The following PSMB7 variants were observed in gnomAD, a reference collection of about 807,000 sequenced individuals.
PSMB7 encodes proteasome subunit beta type-7.
Under a neutral mutation model 28.1 loss-of-function variants are expected in PSMB7, and 5 were observed. That is an observed-to-expected ratio of 0.18 (90% CI 0.09 to 0.37). PSMB7 has a LOEUF of 0.37. Ranked by LOEUF, PSMB7 falls within the 10% of genes least tolerant of loss-of-function variation. PSMB7 has a pLI of 1.00. For synonymous variants in PSMB7, 122 were observed against 123.7 expected (o/e 0.99, Z 0.09); for missense variants, 275 against 346.2 (o/e 0.79, Z 1.63).
intron 7 of PSMB7, among the ~76,000 whole-genome samples, chr9:124,355,303 G>T (rs1038639799): frequency 6.6e-6 from 1 of 152,220 alleles, no homozygotes; most frequent in Non-Finnish European, 1.5e-5. Flanking sequence ...GTTCTTGGGT[G>T]TTTAGAGCCT....
chr9:124,369,248 G>T lies in PSMB7; in HGVS notation c.571-12333C>A, dbSNP rs545095925. On this transcript the variant is annotated intron_variant, in intron 6 of 7. Coordinates refer to ENST00000259457, the MANE Select transcript of PSMB7 (RefSeq NM_002799.4). ...TTCTTGGTTTCTGCACAATTTCAGG[G>T]TGAGGGGAGGGTAGTATAAATTACC... Among the ~76,000 whole-genome samples, 121 of 152,220 alleles carry T rather than the reference G, an allele frequency of 7.9e-4. 1 individual carries two copies. The highest frequency in any genetic ancestry group is 2.7e-3 in the African/African-American group (112 of 41,522).
chr9:124,382,686 C>T (rs563982732), intron 6 of PSMB7, among the ~76,000 whole-genome samples: 22 of 152,316 alleles, frequency 1.4e-4, no homozygotes, highest in African/African-American at 5.1e-4. Flanking sequence ...AAGTTATGGA[C>T]ACAACTGATC....
At chr9:124,382,507 C>T (rs902559229) in intron 6 of PSMB7, among the ~76,000 whole-genome samples, 2 of 151,926 alleles carry the variant, frequency 1.3e-5, no homozygotes, top group African/African-American at 4.8e-5. Context: ...TGCGCCCAGT[C>T]GAGACTCTGT....
chr9:124,387,372 T>TG (rs1380712331), intron 5 of PSMB7, among the ~76,000 whole-genome samples: 1 of 152,200 alleles, frequency 6.6e-6, no homozygotes, highest in Non-Finnish European at 1.5e-5. Flanking sequence ...TTCTCCAATG[T>TG]GGGGAGGCTC....
At chr9:124,383,865 C>T (rs952715689) in intron 6 of PSMB7, 26 of 152,130 alleles carry the variant, frequency 1.7e-4, no homozygotes, top group East Asian at 1.2e-3. Flanking sequence ...GATGTAGTGC[C>T]GTGGAGGAGT....
At chr9:124,412,861 G>A (rs1215077047) in intron 3 of PSMB7, among the ~76,000 whole-genome samples, 1 of 152,080 alleles carries the variant, frequency 6.6e-6, no homozygotes, top group Admixed American at 6.5e-5. Context: ...ATTACACTAA[G>A]CACTGGGAAT....
At chr9:124,385,044 C>CTGG (rs1223916352) in intron 5 of PSMB7, among the ~76,000 whole-genome samples, 1 of 152,224 alleles carries the variant, frequency 6.6e-6, no homozygotes, top group East Asian at 1.9e-4. Flanking sequence ...TGGCAGGCTG[C>CTGG]TGGGTATAGC....
At chr9:124,407,975 C>T (rs189309369) in intron 4 of PSMB7, among the ~76,000 whole-genome samples, 1 of 152,136 alleles carries the variant, frequency 6.6e-6, no homozygotes, top group South Asian at 2.1e-4. Context: ...AGTGAGACAT[C>T]GTCTACAAAA....
At chr9:124,362,741 T>C (rs1481349788) in intron 6 of PSMB7, among the ~76,000 whole-genome samples, 1 of 152,112 alleles carries the variant, frequency 6.6e-6, no homozygotes, top group African/African-American at 2.4e-5. Context: ...AAAAAAAAAT[T>C]TGAGGTAATG....
At chr9:124,401,331 T>A (rs760516249) in intron 5 of PSMB7, among the ~76,000 whole-genome samples, 1 of 152,230 alleles carries the variant, frequency 6.6e-6, no homozygotes, top group Non-Finnish European at 1.5e-5. Flanking sequence ...GTTCTTTTCC[T>A]CTGGGGCACT....
chr9:124,371,357 T>C (rs1830560765), intron 6 of PSMB7, among the ~76,000 whole-genome samples: 1 of 152,226 alleles, frequency 6.6e-6, no homozygotes, highest in African/African-American at 2.4e-5. Context: ...AAATCCATTG[T>C]TCCAAGAGCT....
chr9:124,387,456 T>C (rs1830736496), intron 5 of PSMB7, among the ~76,000 whole-genome samples: 1 of 151,980 alleles, frequency 6.6e-6, no homozygotes, highest in Non-Finnish European at 1.5e-5. Flanking sequence ...TATTTCTGGC[T>C]TCCCCTTTTT....
chr9:124,413,673 G>A (rs761623857), intron 3 of PSMB7, among the ~76,000 whole-genome samples: 25 of 152,158 alleles, frequency 1.6e-4, no homozygotes, highest in Non-Finnish European at 3.2e-4. Flanking sequence ...AGGATAGGAG[G>A]GAATGGATTC....
intron 5 of PSMB7, among the ~76,000 whole-genome samples, chr9:124,387,707 A>G (rs1011153189): frequency 1.2e-4 from 18 of 152,302 alleles, no homozygotes; most frequent in African/African-American, 4.3e-4. Flanking sequence ...TTTCAGAAAT[A>G]CACAGAAGTG....
At chr9:124,375,401 C>T (rs893010589) in intron 6 of PSMB7, among the ~76,000 whole-genome samples, 11 of 152,124 alleles carry the variant, frequency 7.2e-5, no homozygotes, top group Non-Finnish European at 1.6e-4. Flanking sequence ...TGAACTCAAC[C>T]GATCCGCCCG....
chr9:124,392,350 C>G (rs1440680605), intron 5 of PSMB7, among the ~76,000 whole-genome samples: 2 of 152,202 alleles, frequency 1.3e-5, no homozygotes, highest in Non-Finnish European at 2.9e-5. Context: ...GGCTCTGGCG[C>G]TCCCTAGCTG....
At chr9:124,384,805 C>T (rs1830703167) in intron 5 of PSMB7, 149 bp from the exon 6 acceptor site, 2 of 639,574 alleles carry the variant, frequency 3.1e-6, no homozygotes, top group South Asian at 4.5e-5. Flanking sequence ...CCACATAAAC[C>T]AGGTAAAAAC....
Sources: allele counts gnomAD v4.1 joint callset (sites outside exome capture counted in the v4.1 genomes callset), GRCh38; gene constraint gnomAD v4.1.1; transcripts MANE v1.5; gene names NCBI Gene and HGNC (gene_info 2026-07-23, HGNC 2026-07-21).